Variants in ALMS1 observed in about 807,000 individuals in gnomAD.
The protein encoded by ALMS1 is ALMS1 centrosome and basal body associated protein.
Under a neutral mutation model 352.2 loss-of-function variants are expected in ALMS1, and 271 were observed. The ratio of observed to expected loss-of-function variants is 0.77; its 90% confidence interval spans 0.70 to 0.85. The LOEUF is 0.85. ALMS1 is among the 40% of genes least tolerant of loss of function. The pLI is 0.00. For missense variants in ALMS1, 5,445 were observed against 4,870.7 expected, an observed-to-expected ratio of 1.12 and a Z score of -3.51; for synonymous variants, 1,865 against 1,761.2, an observed-to-expected ratio of 1.06 and a Z score of -1.48.
In ALMS1 at chr2:73,572,316, C is replaced by G; in HGVS notation, c.10439C>G (p.Ala3480Gly). Residue 3480 changes from alanine to glycine, a missense_variant, in exon 16 of 23, where the codon GCA becomes GGA. Coordinates refer to ENST00000613296, the MANE Select transcript of ALMS1 (RefSeq NM_001378454.1). ...ENTTRSVFRS[A>G]KFYIHHPVHL... Reference sequence around the variant, plus strand: ...ACTACCCGTTCTGTCTTCAGGTCAGCAAAGTTTTACATTCATCATCCCGTA... The same window carrying G: ...ACTACCCGTTCTGTCTTCAGGTCAGGAAAGTTTTACATTCATCATCCCGTA... The G allele has an allele frequency of 6.2e-7, 1 of 1,605,738 alleles. No homozygotes were observed. Among genetic ancestry groups the G allele is most frequent in the Non-Finnish European group, 8.5e-7 (1 of 1,176,882 alleles).
At chr2:73,564,826 G>C (rs1460714238) in intron 15 of ALMS1, among the ~76,000 whole-genome samples, 1 of 152,154 alleles carries the variant, frequency 6.6e-6, no homozygotes, top group Non-Finnish European at 1.5e-5. Context: ...AAAACTGCCT[G>C]TTTTAACCTT....
At chr2:73,434,347 A>G (rs891000204) in intron 7 of ALMS1, among the ~76,000 whole-genome samples, 28 of 152,210 alleles carry the variant, frequency 1.8e-4, no homozygotes, top group African/African-American at 6.3e-4. Flanking sequence ...TCTAGTTTAC[A>G]TTGTGATTTT....
In ALMS1 at chr2:73,563,738, AAATAAAAAT is replaced by A. The variant is rs1198002024; in HGVS notation, c.10384+4599_10384+4607del. On this transcript the variant is annotated intron_variant, in intron 15 of 22. Transcript: ENST00000613296. ...ACTCCATCTCAAAAAAAAAAAAAAAAAATAAAAATAAAAAATGAAGGTATGGAATTATAT... is the reference window on the plus strand; with the variant it reads ...ACTCCATCTCAAAAAAAAAAAAAAAAAAAAAATGAAGGTATGGAATTATAT... Among the ~76,000 whole-genome samples the A allele has an allele frequency of 7.0e-5, 9 of 128,712 alleles. 3 individuals are homozygous for A. Among genetic ancestry groups the A allele is most frequent in the Non-Finnish European group, 8.2e-5 (5 of 60,658 alleles). 84.4% of individuals were successfully genotyped at this position (128,712 alleles called of 152,430 possible).
intron 14 of ALMS1, among the ~76,000 whole-genome samples, chr2:73,558,624 T>C (rs190913152): frequency 6.6e-6 from 1 of 152,198 alleles, no homozygotes; most frequent in Non-Finnish European, 1.5e-5. Context: ...CTGACACCAT[T>C]CTTGTGTTAT....
chr2:73,591,359 T>C (rs1675428916), intron 16 of ALMS1, among the ~76,000 whole-genome samples: 1 of 152,202 alleles, frequency 6.6e-6, no homozygotes, highest in Admixed American at 6.5e-5. Context: ...TATTTCCAAA[T>C]GGTAGCTAGT....
intron 10 of ALMS1, among the ~76,000 whole-genome samples, chr2:73,508,163 CTTTCT>C (rs1210920969): frequency 1.2e-4 from 15 of 127,170 alleles, no homozygotes; most frequent in Admixed American, 1.6e-4. Flanking sequence ...CTTTCCTTTC[CTTTCT>C]TTTCTTTTCT....
In ALMS1 at chr2:73,451,363, A is replaced by G. The variant is rs1393569317; in HGVS notation, c.4836A>G (p.Ala1612=). The G allele has an allele frequency of 1.2e-6, 2 of 1,613,974 alleles. No individual in the cohort carries two copies. Among genetic ancestry groups the G allele is most frequent in the Admixed American group, 3.3e-5 (2 of 60,004 alleles). The change falls in exon 8 of 23, where the codon GCA becomes GCG. Residue 1612 remains alanine, a synonymous_variant. Transcript: ENST00000613296. The part of the protein sequence containing the change: ...GPTEKKTDIP[A]GPLGSSALGE... ...CTGAAAAAAAGACTGACATACCAGC[A>G]GGACCTTTAGGTTCCAGTGCACTTG...
Position 73,453,857 on chromosome 2 carries a change from C to G in ALMS1, c.7330C>G (p.Leu2444Val), listed in dbSNP as rs1672002905. The G allele has an allele frequency of 6.2e-7, 1 of 1,613,962 alleles. No individual in the cohort carries two copies. Among genetic ancestry groups the G allele is most frequent in the African/African-American group, 1.3e-5 (1 of 74,900 alleles). ...TTTGGAATCAGTTTCTGATGTTCTT[C>G]TAAACTTCTTTCCATATGTTTCACC... ...ESLESVSDVLLNFFPYVSPKT... is the reference protein window; with the variant it reads ...ESLESVSDVLVNFFPYVSPKT... Residue 2444 changes from leucine to valine, a missense_variant, in exon 8 of 23, where the codon CTA (leucine) becomes GTA (valine). Physicochemically the swap from Leu to Val is conservative, Grantham distance 32 (BLOSUM62 1). Coordinates refer to ENST00000613296, the MANE Select transcript of ALMS1 (RefSeq NM_001378454.1).
At chr2:73,564,374 G>C (rs1674757156) in intron 15 of ALMS1, among the ~76,000 whole-genome samples, 1 of 149,504 alleles carries the variant, frequency 6.7e-6, no homozygotes, top group Admixed American at 6.7e-5. Context: ...GCTGAGGCAG[G>C]AGAATCACTT....
At chr2:73,476,219 T>G (rs539034332) in intron 9 of ALMS1, among the ~76,000 whole-genome samples, 1 of 152,260 alleles carries the variant, frequency 6.6e-6, no homozygotes, top group African/African-American at 2.4e-5. Context: ...GTACTATATG[T>G]CAGAATTTCC....
chr2:73,474,401 G>GTGTC (rs542909034), intron 9 of ALMS1, among the ~76,000 whole-genome samples: 6 of 49,124 alleles, frequency 1.2e-4, no homozygotes, highest in African/African-American at 3.2e-4. Context: ...GTGTGTGTGT[G>GTGTC]TGTGTGTGTC....
intron 21 of ALMS1, 70 bp downstream of exon 21, chr2:73,603,374 T>C: frequency 7.2e-7 from 1 of 1,384,702 alleles, no homozygotes; most frequent in Non-Finnish European, 1.0e-6. Context: ...GAGCTCTGGC[T>C]TGCACCCAGA....
intron 10 of ALMS1, among the ~76,000 whole-genome samples, chr2:73,508,682 G>A (rs536629344): frequency 5.3e-5 from 8 of 152,296 alleles, no homozygotes; most frequent in East Asian, 1.9e-4. Flanking sequence ...GATTTGGGGT[G>A]TAGAGTTCTG....
At chr2:73,446,425 T>C (rs1308987309) in intron 7 of ALMS1, among the ~76,000 whole-genome samples, 1 of 152,222 alleles carries the variant, frequency 6.6e-6, no homozygotes, top group Non-Finnish European at 1.5e-5. Context: ...CACAAAAACT[T>C]TTCTTATTTT....
Position 73,454,339 on chromosome 2 carries a change from TAGG to T in ALMS1, c.7540+275_7540+277del, listed in dbSNP as rs1280151249. 3 of 985,232 alleles carry T rather than the reference TAGG, an allele frequency of 3.0e-6. No homozygotes were observed. In the African/African-American group the frequency reaches 5.2e-5, roughly 17 times the overall value. The allele number at this position is 985,232 out of a possible 1,614,324, so 61.0% of individuals were successfully genotyped here. Reference sequence around the variant, plus strand: ...CAGCCTGAGTTTACGTTCTTGTTCTTAGGAGAAGTAGATTCTGATGTATGACAG... The same window carrying T: ...CAGCCTGAGTTTACGTTCTTGTTCTTAGAAGTAGATTCTGATGTATGACAG... On this transcript the variant is annotated intron_variant, in intron 8 of 22. Coordinates refer to ENST00000613296, the MANE Select transcript of ALMS1 (RefSeq NM_001378454.1).
chr2:73,600,644 T>C lies in ALMS1; in HGVS notation c.11669-34T>C, dbSNP rs1346403403. The C allele has an allele frequency of 1.4e-5, 22 of 1,575,332 alleles. 1 individual carries two copies. In the Admixed American group the frequency reaches 4.0e-4, roughly 29 times the overall value. On this transcript the variant is annotated intron_variant, in intron 17 of 22. Coordinates refer to ENST00000613296, the MANE Select transcript of ALMS1 (RefSeq NM_001378454.1). The stretch of plus-strand genomic sequence containing the variant: ...AAATCTGTCAACTCAGCCTCAAGGT[T>C]ACTCCCAGAGACACCTATGATCCTT...
chr2:73,386,303 C>A lies in ALMS1; in HGVS notation c.324+111C>A, dbSNP rs1051737876. ...CGCCGCCTGACGGAGAAAACGCGCG[C>A]AGCTGAGGCTAGTAGGCGGCCCAGA... On this transcript the variant is annotated intron_variant, in intron 1 of 22. Coordinates refer to ENST00000613296, the MANE Select transcript of ALMS1 (RefSeq NM_001378454.1). The A allele has an allele frequency of 7.2e-6, 10 of 1,382,608 alleles. No homozygotes were observed. The Admixed American group carries it at 1.8e-4, about 24-fold the overall frequency. 85.6% of individuals were successfully genotyped at this position (1,382,608 alleles called of 1,614,324 possible).
intron 9 of ALMS1, chr2:73,462,883 G>C (rs1229955467): frequency 6.6e-6 from 1 of 151,970 alleles, no homozygotes; most frequent in South Asian, 2.1e-4. Flanking sequence ...ATGGTAAAGG[G>C]ATCAATTCAA....
intron 16 of ALMS1, among the ~76,000 whole-genome samples, chr2:73,582,210 G>T (rs1675198401): frequency 6.6e-6 from 1 of 151,848 alleles, no homozygotes; most frequent in Admixed American, 6.6e-5. Context: ...CAATCTGAAG[G>T]TCTCTCTTTT....
Sources: allele counts gnomAD v4.1 joint callset (sites outside exome capture counted in the v4.1 genomes callset), GRCh38; gene constraint gnomAD v4.1.1; transcripts MANE v1.5; gene names NCBI Gene and HGNC (gene_info 2026-07-23, HGNC 2026-07-21).